The following RGS17 variants were observed in gnomAD, a reference collection of about 807,000 sequenced individuals.
RGS17 encodes the protein regulator of G protein signaling 17, also known as regulator of G-protein signaling 17.
A neutral mutation model predicts 25.5 loss-of-function variants in RGS17; 12 were observed. That is an observed-to-expected ratio of 0.47 (90% confidence interval 0.30 to 0.76). The LOEUF (loss-of-function observed/expected upper bound fraction) is 0.76. Among genes scored for constraint, RGS17 ranks in the 30% least tolerant of loss-of-function variants. RGS17 has a pLI of 0.07. For missense variants in RGS17, 196 were observed against 242.2 expected (o/e 0.81, Z 1.27); for synonymous variants, 71 against 76.9 (o/e 0.92, Z 0.40).
At chr6:153,044,110 G>C (rs1382022571) in intron 1 of RGS17, 67 bp from the exon 2 acceptor site, 2 of 776,890 alleles carry the variant, frequency 2.6e-6, no homozygotes, top group Non-Finnish European at 2.2e-6. Flanking sequence ...TATGCTGAAG[G>C]AAGGCTCATT....
chr6:153,100,640 C>G (rs964753976), intron 1 of RGS17, among the ~76,000 whole-genome samples: 21 of 152,162 alleles, frequency 1.4e-4, no homozygotes, highest in Non-Finnish European at 5.9e-5. Flanking sequence ...TAACTTACTT[C>G]TTATAGGAAC....
At chr6:153,095,783 T>C (rs376736354) in intron 1 of RGS17, among the ~76,000 whole-genome samples, 3 of 152,326 alleles carry the variant, frequency 2.0e-5, no homozygotes, top group South Asian at 4.1e-4. Context: ...TTAGGGTCTA[T>C]AATATATAGC....
At chr6:153,012,671 C>T (rs1462686198) in intron 4 of RGS17, among the ~76,000 whole-genome samples, 1 of 151,566 alleles carries the variant, frequency 6.6e-6, no homozygotes, top group Non-Finnish European at 1.5e-5. Flanking sequence ...TAAACAACCA[C>T]TCAAAGTCCA....
At chr6:153,028,001 G>C (rs182995054) in intron 2 of RGS17, among the ~76,000 whole-genome samples, 1 of 152,132 alleles carries the variant, frequency 6.6e-6, no homozygotes, top group African/African-American at 2.4e-5. Context: ...GGAGAGAATG[G>C]AGCAAAGGGA....
chr6:153,087,780 A>C (rs1256151341), intron 1 of RGS17, among the ~76,000 whole-genome samples: 1 of 152,184 alleles, frequency 6.6e-6, no homozygotes, highest in Non-Finnish European at 1.5e-5. Context: ...CTACCCAAGA[A>C]GCCTTCTCCA....
At chr6:153,016,827 G>C (rs1779190096) in intron 4 of RGS17, among the ~76,000 whole-genome samples, 1 of 152,200 alleles carries the variant, frequency 6.6e-6, no homozygotes, top group African/African-American at 2.4e-5. Flanking sequence ...CCATCTTTGT[G>C]CTTCAGAATG....
rs1051710260 is a variant in RGS17, at chr6:153,005,117, T to C, written c.*6457A>G. 36 of 152,224 alleles carry C rather than the reference T, an allele frequency of 2.4e-4. No homozygotes were observed. Among genetic ancestry groups the C allele is most frequent in the Non-Finnish European group, 1.5e-5 (1 of 68,022 alleles). The allele number at this position is 152,224 out of a possible 1,614,324, so 9.4% of individuals were successfully genotyped here. A position where few individuals can be genotyped will look rare whatever the true frequency, so the allele number is the denominator to read the frequency against. The stretch of plus-strand genomic sequence containing the variant: ...ACATTATTTCAATATTCAGTGTTCA[T>C]TGATTAGTGGAGGGCAATATAAAAA... On this transcript the variant is annotated 3_prime_UTR_variant, in exon 5 of 5. Transcript: ENST00000206262.
chr6:153,038,720 T>C (rs1776283334), intron 2 of RGS17, among the ~76,000 whole-genome samples: 1 of 152,218 alleles, frequency 6.6e-6, no homozygotes, highest in Admixed American at 6.5e-5. Context: ...GTTTTTCCTT[T>C]CAAAAAATAT....
At chr6:153,117,969 G>A (rs1359098280) in intron 1 of RGS17, among the ~76,000 whole-genome samples, 3 of 152,228 alleles carry the variant, frequency 2.0e-5, no homozygotes, top group Non-Finnish European at 1.5e-5. Context: ...GAGGAGGGAT[G>A]AAGAAGGGAC....
intron 1 of RGS17, among the ~76,000 whole-genome samples, chr6:153,102,501 C>A (rs1457054723): frequency 2.0e-5 from 3 of 152,118 alleles, no homozygotes; most frequent in Non-Finnish European, 1.5e-5. Flanking sequence ...CTGTGTCCCA[C>A]TCAAATCTCA....
At chr6:153,105,469 T>C (rs770653126) in intron 1 of RGS17, among the ~76,000 whole-genome samples, 8 of 152,122 alleles carry the variant, frequency 5.3e-5, no homozygotes, top group Non-Finnish European at 8.8e-5. Flanking sequence ...AAAAGATGAT[T>C]TAGTTGCCAC....
At chr6:153,027,873 A>G (rs1300096784) in intron 2 of RGS17, among the ~76,000 whole-genome samples, 2 of 152,252 alleles carry the variant, frequency 1.3e-5, no homozygotes, top group African/African-American at 4.8e-5. Flanking sequence ...ATGGAAAGAA[A>G]GTGTTTAGGA....
At chr6:153,034,390 A>C (rs1024847713) in intron 2 of RGS17, among the ~76,000 whole-genome samples, 6 of 152,206 alleles carry the variant, frequency 3.9e-5, no homozygotes, top group Non-Finnish European at 8.8e-5. Context: ...TACAGACTGA[A>C]GAAACAGCAT....
chr6:153,085,009 C>T (rs1777034124), intron 1 of RGS17, among the ~76,000 whole-genome samples: 1 of 152,098 alleles, frequency 6.6e-6, no homozygotes, highest in South Asian at 2.1e-4. Flanking sequence ...AATGAATGTA[C>T]AAGTCATAGT....
At chr6:153,124,863 T>C (rs1247599918) in intron 1 of RGS17, among the ~76,000 whole-genome samples, 1 of 152,196 alleles carries the variant, frequency 6.6e-6, no homozygotes, top group African/African-American at 2.4e-5. Flanking sequence ...TTTAGGGTAA[T>C]AGGACGTGGA....
At chr6:153,014,935 TCG>T (rs1314113414) in intron 4 of RGS17, among the ~76,000 whole-genome samples, 1 of 152,206 alleles carries the variant, frequency 6.6e-6, no homozygotes, top group Admixed American at 6.5e-5. Context: ...TTGTGATTCA[TCG>T]AAGGAGGTCA....
rs1562309925 is a variant in RGS17 at position 153,006,931 on chromosome 6, ACATACAT to A, written c.*4636_*4642del. ...CTATGCTCCCTAAGTGAATCTGTGG[ACATACAT>A]TTCCATTAGTAACCTTACTCATCTT... On this transcript the variant is annotated 3_prime_UTR_variant, in exon 5 of 5. Coordinates refer to ENST00000206262, the MANE Select transcript of RGS17 (RefSeq NM_012419.5). The A allele has an allele frequency of 6.6e-6, 1 of 152,234 alleles. No homozygotes were observed. The highest frequency in any genetic ancestry group is 1.5e-5 in the Non-Finnish European group (1 of 68,042). 9.4% of individuals were successfully genotyped at this position (152,234 alleles called of 1,614,324 possible). A position where few individuals can be genotyped will look rare whatever the true frequency, so the allele number is the denominator to read the frequency against.
chr6:153,011,655 T>A lies in RGS17; in HGVS notation c.552A>T (p.Arg184Ser), dbSNP rs1265797116. 2 of 1,612,746 alleles carry A rather than the reference T, an allele frequency of 1.2e-6. No individual in the cohort carries two copies. Among genetic ancestry groups the A allele is most frequent in the South Asian group, 2.2e-5 (2 of 91,010 alleles). Reference protein sequence around the residue: ...AQLQIYTLMHRDSFPRFLNSQ... With the variant: ...AQLQIYTLMHSDSFPRFLNSQ... ...AGTTCAAAAACCTTGGAAAAGAATC[T>A]CTGTGCATTAAAGTATATATCTGAA... Residue 184 changes from arginine (R) to serine (S), a missense_variant, in exon 5 of 5, where the codon AGA (arginine) becomes AGT (serine). This residue lies in a region of RGS17 where 179 missense variants were observed against 197.6 expected (regional missense o/e 0.91). Transcript: ENST00000206262.
intron 1 of RGS17, among the ~76,000 whole-genome samples, chr6:153,080,430 C>G (rs183462656): frequency 2.6e-4 from 40 of 152,066 alleles, no homozygotes; most frequent in African/African-American, 9.4e-4. Context: ...TTGGTAATTT[C>G]TGTTCCCTCC....
Sources: gnomAD v4.1 joint callset for allele counts (sites outside exome capture counted in the v4.1 genomes callset) on GRCh38, gnomAD v4.1.1 for gene constraint, gnomAD v4.1.1 regional missense constraint, MANE v1.5 for transcripts, NCBI Gene and HGNC (gene_info 2026-07-23, HGNC 2026-07-21) for gene names.